HCN1: variants seen among roughly 807,000 people sequenced by gnomAD.
HCN1 encodes the protein hyperpolarization activated cyclic nucleotide gated potassium channel 1, also known as potassium/sodium hyperpolarization-activated cyclic nucleotide-gated channel 1.
HCN1 carries 13 observed loss-of-function variants against 78.9 expected under a neutral mutation model. The observed-to-expected ratio is 0.16, with a 90% CI of 0.11 to 0.26. HCN1 has a LOEUF of 0.26. Among genes scored for constraint, HCN1 ranks in the 10% least tolerant of loss-of-function variants. The pLI, the probability that HCN1 is intolerant of heterozygous loss-of-function variation, is 1.00. For missense variants in HCN1, 810 were observed against 1,154.3 expected (o/e 0.70, Z 4.32); for synonymous variants, 552 against 455.5 (o/e 1.21, Z -2.70).
Position 45,552,900 on chromosome 5 carries a change from A to C in HCN1, c.850-90893T>G, listed in dbSNP as rs1216972495. 3.3e-5 allele frequency among the ~76,000 whole-genome samples: 5 copies of C among 151,950 alleles called. No homozygotes were observed. In the Admixed American group the frequency reaches 3.3e-4, roughly 10 times the overall value. On this transcript the variant is annotated intron_variant, in intron 2 of 7. Coordinates refer to ENST00000303230, the MANE Select transcript of HCN1 (RefSeq NM_021072.4). ...CACTGGGAATACGAAATCTTTTAAC[A>C]GTAGATGGAGACACAAATAGGAGAT...
At chr5:45,373,026 A>G (rs1438996209) in intron 4 of HCN1, among the ~76,000 whole-genome samples, 1 of 137,584 alleles carries the variant, frequency 7.3e-6, no homozygotes, top group East Asian at 2.2e-4. Flanking sequence ...TATATATTTT[A>G]CATATATTAA....
chr5:45,617,155 G>C (rs944523592), intron 2 of HCN1, among the ~76,000 whole-genome samples: 4 of 152,036 alleles, frequency 2.6e-5, no homozygotes, highest in African/African-American at 9.7e-5. Context: ...TATAAAGTCA[G>C]ACCAAACCAG....
chr5:45,280,655 A>G (rs571684303), intron 6 of HCN1, among the ~76,000 whole-genome samples: 2 of 152,334 alleles, frequency 1.3e-5, no homozygotes, highest in African/African-American at 4.8e-5. Flanking sequence ...ACTCTGCTCT[A>G]ATAATCCAAG....
intron 2 of HCN1, among the ~76,000 whole-genome samples, chr5:45,524,325 G>T (rs1579948529): frequency 6.6e-6 from 1 of 152,104 alleles, no homozygotes. Context: ...TTTGGCTTAG[G>T]ATTGACTTGG....
intron 1 of HCN1, among the ~76,000 whole-genome samples, chr5:45,694,844 G>A (rs1391399061): frequency 6.6e-6 from 1 of 152,228 alleles, no homozygotes; most frequent in Non-Finnish European, 1.5e-5. Flanking sequence ...CTCCAAAGCG[G>A]AGTTTTCCTG....
chr5:45,559,045 G>A (rs1427918301), intron 2 of HCN1: 3 of 149,852 alleles, frequency 2.0e-5, no homozygotes, highest in African/African-American at 7.4e-5. Flanking sequence ...ACAGGTATGA[G>A]CCACCACACC....
chr5:45,327,720 G>T (rs557924001), intron 5 of HCN1, among the ~76,000 whole-genome samples: 1 of 151,478 alleles, frequency 6.6e-6, no homozygotes, highest in African/African-American at 2.4e-5. Context: ...AACTAGGGTG[G>T]GCCATAATCC....
chr5:45,515,067 G>A (rs1742491309), intron 2 of HCN1, among the ~76,000 whole-genome samples: 1 of 151,670 alleles, frequency 6.6e-6, no homozygotes. Flanking sequence ...CTAGATGTAT[G>A]CCTACAAAAC....
chr5:45,297,476 T>C (rs1745522037), intron 6 of HCN1, among the ~76,000 whole-genome samples: 1 of 152,070 alleles, frequency 6.6e-6, no homozygotes, highest in Non-Finnish European at 1.5e-5. Context: ...TATTCTATGA[T>C]CTTGCAAAAA....
chr5:45,308,628 T>C (rs760928160), intron 5 of HCN1, among the ~76,000 whole-genome samples: 2 of 152,134 alleles, frequency 1.3e-5, no homozygotes, highest in African/African-American at 4.8e-5. Context: ...ATTGTATATA[T>C]ATCATGCATT....
chr5:45,623,633 G>A (rs1745110363), intron 2 of HCN1, among the ~76,000 whole-genome samples: 1 of 152,176 alleles, frequency 6.6e-6, no homozygotes, highest in South Asian at 2.1e-4. Flanking sequence ...TCAAAAGTGT[G>A]ATGAGATCAT....
At chr5:45,604,850 T>C (rs945396248) in intron 2 of HCN1, among the ~76,000 whole-genome samples, 1 of 152,158 alleles carries the variant, frequency 6.6e-6, no homozygotes, top group South Asian at 2.1e-4. Flanking sequence ...TTTATAGTTA[T>C]AAAGTTACCC....
chr5:45,681,336 T>A (rs1739698293), intron 1 of HCN1, among the ~76,000 whole-genome samples: 1 of 152,166 alleles, frequency 6.6e-6, no homozygotes, highest in Non-Finnish European at 1.5e-5. Flanking sequence ...TGGATTTTGA[T>A]CTTGCTCTGT....
At chr5:45,673,794 T>C (rs1746205213) in intron 1 of HCN1, among the ~76,000 whole-genome samples, 1 of 151,626 alleles carries the variant, frequency 6.6e-6, no homozygotes, top group Non-Finnish European at 1.5e-5. Flanking sequence ...AAATTGACCA[T>C]ATGCTCTCTA....
chr5:45,449,438 T>C (rs1002559836), intron 3 of HCN1, among the ~76,000 whole-genome samples: 1 of 152,212 alleles, frequency 6.6e-6, no homozygotes, highest in Non-Finnish European at 1.5e-5. Flanking sequence ...TCATTTCTTC[T>C]ATGCTTTTTA....
Position 45,514,399 on chromosome 5 carries a change from T to C in HCN1, c.850-52392A>G, listed in dbSNP as rs1201619860. ...ATATTTCTCTGCTCTAATCCCACAATCTGGCTGTAGCCAGACAATCTTATT... is the reference window on the plus strand; with the variant it reads ...ATATTTCTCTGCTCTAATCCCACAACCTGGCTGTAGCCAGACAATCTTATT... On this transcript the variant is annotated intron_variant, in intron 2 of 7. Transcript: ENST00000303230. Among the ~76,000 whole-genome samples the C allele has an allele frequency of 2.0e-5, 3 of 152,258 alleles. No individual in the cohort carries two copies. In the South Asian group the frequency reaches 6.2e-4, roughly 32 times the overall value.
intron 3 of HCN1, among the ~76,000 whole-genome samples, chr5:45,421,430 T>C (rs1451794409): frequency 6.6e-6 from 1 of 152,106 alleles, no homozygotes; most frequent in Admixed American, 6.6e-5. Context: ...TCATACTGCA[T>C]TGAAAATGAG....
chr5:45,567,324 T>C (rs922634081), intron 2 of HCN1, among the ~76,000 whole-genome samples: 8 of 151,922 alleles, frequency 5.3e-5, no homozygotes, highest in Admixed American at 3.9e-4. Flanking sequence ...ACAAAGAATG[T>C]CCCTTTTCCA....
At chr5:45,500,587 T>C (rs1260223561) in intron 2 of HCN1, among the ~76,000 whole-genome samples, 1 of 152,204 alleles carries the variant, frequency 6.6e-6, no homozygotes, top group Non-Finnish European at 1.5e-5. Flanking sequence ...TATTTTACAA[T>C]ATAGTTTAAA....
Sources: gnomAD v4.1 joint callset for allele counts (sites outside exome capture counted in the v4.1 genomes callset) on GRCh38, gnomAD v4.1.1 for gene constraint, MANE v1.5 for transcripts, NCBI Gene and HGNC (gene_info 2026-07-23, HGNC 2026-07-21) for gene names.